Variants in PLPPR1 observed in about 807,000 individuals in gnomAD.
The protein encoded by PLPPR1 is phospholipid phosphatase-related protein type 1.
PLPPR1 carries 10 observed loss-of-function variants against 33.1 expected under a neutral mutation model. The observed-to-expected ratio is 0.30, with a 90% confidence interval of 0.19 to 0.51. The LOEUF is 0.51. Among genes scored for constraint, PLPPR1 ranks in the 20% least tolerant of loss-of-function variants. PLPPR1 has a pLI of 0.97. For missense variants in PLPPR1, 304 were observed against 408.1 expected, an observed-to-expected ratio of 0.74 and a Z score of 2.20; for synonymous variants, 151 against 151.0, an observed-to-expected ratio of 1.00 and a Z score of 0.00.
chr9:101,137,689 A>G (rs1357063640), intron 1 of PLPPR1, among the ~76,000 whole-genome samples: 1 of 152,240 alleles, frequency 6.6e-6, no homozygotes, highest in Admixed American at 6.5e-5. Context: ...AGCAGTCTAC[A>G]GCTTCTAGTA....
At chr9:101,107,969 C>T (rs578110251) in intron 1 of PLPPR1, among the ~76,000 whole-genome samples, 18 of 150,436 alleles carry the variant, frequency 1.2e-4, no homozygotes, top group South Asian at 2.1e-4. Context: ...TGACCCCTTG[C>T]GCTTCCCAGG....
At chr9:101,198,238 A>C (rs1011880407) in intron 2 of PLPPR1, among the ~76,000 whole-genome samples, 9 of 152,134 alleles carry the variant, frequency 5.9e-5, no homozygotes, top group African/African-American at 1.9e-4. Flanking sequence ...CCCTACTCCC[A>C]TCCCCATGAA....
intron 2 of PLPPR1, among the ~76,000 whole-genome samples, chr9:101,206,979 C>T (rs1445016107): frequency 6.6e-6 from 1 of 152,102 alleles, no homozygotes; most frequent in Admixed American, 6.6e-5. Flanking sequence ...ACATCACCTA[C>T]CCCTTTCCAC....
At position 101,305,482 on chromosome 9, in the gene PLPPR1, G is replaced by T. The variant is rs547941236; in HGVS notation, c.386-3729G>T. 3.0e-4 allele frequency among the ~76,000 whole-genome samples: 46 copies of T among 152,176 alleles called. 1 individual carries two copies. The highest frequency in any genetic ancestry group is 2.8e-3 in the Admixed American group (43 of 15,286). On this transcript the variant is annotated intron_variant, in intron 4 of 7. Coordinates refer to ENST00000374874, the MANE Select transcript of PLPPR1 (RefSeq NM_207299.2). ...ATTTATAATTTAGTATGCAACATTT[G>T]GCCTTCAGTTTTGAGGCTCTACCCA...
chr9:101,310,276 C>T (rs920910949), intron 5 of PLPPR1, among the ~76,000 whole-genome samples: 3 of 152,212 alleles, frequency 2.0e-5, no homozygotes, highest in Non-Finnish European at 4.4e-5. Context: ...AAAGGCTCCA[C>T]GGGCTGATAC....
chr9:101,123,120 T>C (rs1184422758), intron 1 of PLPPR1, among the ~76,000 whole-genome samples: 1 of 152,218 alleles, frequency 6.6e-6, no homozygotes, highest in Non-Finnish European at 1.5e-5. Context: ...TATATCTCTA[T>C]ATTTTCAAAA....
intron 1 of PLPPR1, among the ~76,000 whole-genome samples, chr9:101,133,243 T>G (rs1200916555): frequency 6.6e-6 from 1 of 152,196 alleles, no homozygotes; most frequent in Non-Finnish European, 1.5e-5. Context: ...TACTTTAATA[T>G]TATTTTCTTT....
chr9:101,171,952 A>G lies in PLPPR1; in HGVS notation c.-45-13498A>G, dbSNP rs1228429668. 2.0e-5 allele frequency among the ~76,000 whole-genome samples: 3 copies of G among 147,746 alleles called. No individual in the cohort carries two copies. The East Asian group carries it at 5.8e-4, about 29-fold the overall frequency. ...TGGCTTGCTCTGAGTGTTGGGGAAT[A>G]TGATGAAATGTAACTCTCACGTCTC... On this transcript the variant is annotated intron_variant, in intron 1 of 7. Transcript: ENST00000374874.
At chr9:101,134,592 C>T (rs1588042068) in intron 1 of PLPPR1, among the ~76,000 whole-genome samples, 1 of 152,172 alleles carries the variant, frequency 6.6e-6, no homozygotes, top group East Asian at 1.9e-4. Flanking sequence ...CCACATTGCC[C>T]AAGCTGGTCT....
chr9:101,035,761 A>T (rs1442234756), intron 1 of PLPPR1, among the ~76,000 whole-genome samples: 1 of 152,164 alleles, frequency 6.6e-6, no homozygotes, highest in African/African-American at 2.4e-5. Context: ...CAAATAAAGC[A>T]ACTTCATATT....
intron 2 of PLPPR1, among the ~76,000 whole-genome samples, chr9:101,264,963 G>A (rs1234281204): frequency 6.6e-6 from 1 of 152,074 alleles, no homozygotes; most frequent in Non-Finnish European, 1.5e-5. Flanking sequence ...GGACACACAG[G>A]CTTACATGAG....
At chr9:101,184,667 TG>T (rs1390148654) in intron 1 of PLPPR1, among the ~76,000 whole-genome samples, 2 of 152,018 alleles carry the variant, frequency 1.3e-5, no homozygotes, top group African/African-American at 4.8e-5. Context: ...TTTACTTCAT[TG>T]TATTAAGAAG....
chr9:101,275,077 T>C (rs1283522832), intron 3 of PLPPR1, among the ~76,000 whole-genome samples: 1 of 152,218 alleles, frequency 6.6e-6, no homozygotes, highest in East Asian at 1.9e-4. Context: ...AACTGCACAG[T>C]TGTTTATTCC....
intron 4 of PLPPR1, among the ~76,000 whole-genome samples, chr9:101,289,925 T>C (rs920459467): frequency 2.0e-5 from 3 of 152,230 alleles, no homozygotes; most frequent in African/African-American, 7.2e-5. Flanking sequence ...TTCTGTTTAA[T>C]TAACTTTATT....
intron 7 of PLPPR1, among the ~76,000 whole-genome samples, chr9:101,319,662 GGT>G (rs1829118324): frequency 6.6e-6 from 1 of 152,082 alleles, no homozygotes; most frequent in Non-Finnish European, 1.5e-5. Flanking sequence ...TGTTGCTACA[GGT>G]TAAATATCAA....
At chr9:101,232,674 C>G (rs942488469) in intron 2 of PLPPR1, among the ~76,000 whole-genome samples, 3 of 151,850 alleles carry the variant, frequency 2.0e-5, no homozygotes, top group Non-Finnish European at 4.4e-5. Context: ...CCCTAGTTGC[C>G]TGCCTGCTGA....
At chr9:101,220,136 C>T (rs1826899224) in intron 2 of PLPPR1, among the ~76,000 whole-genome samples, 1 of 152,102 alleles carries the variant, frequency 6.6e-6, no homozygotes, top group Non-Finnish European at 1.5e-5. Flanking sequence ...GTATCCTTGG[C>T]CCCTACCCAC....
intron 1 of PLPPR1, among the ~76,000 whole-genome samples, chr9:101,120,838 A>G (rs904407635): frequency 6.6e-6 from 1 of 152,202 alleles, no homozygotes; most frequent in Admixed American, 6.5e-5. Flanking sequence ...TTTTCTTCCT[A>G]TTACCATAAT....
intron 4 of PLPPR1, among the ~76,000 whole-genome samples, chr9:101,306,235 C>A (rs1366881881): frequency 1.3e-5 from 2 of 152,180 alleles, no homozygotes; most frequent in African/African-American, 4.8e-5. Context: ...CAATCTACAC[C>A]CCAGCAGGAA....
Sources: gnomAD v4.1 joint callset for allele counts (sites outside exome capture counted in the v4.1 genomes callset) on GRCh38, gnomAD v4.1.1 for gene constraint, MANE v1.5 for transcripts, NCBI Gene and HGNC (gene_info 2026-07-23, HGNC 2026-07-21) for gene names.